The following TRUB1 variants were observed in gnomAD, a reference collection of about 807,000 sequenced individuals.
TRUB1 encodes the protein pseudouridylate synthase TRUB1.
Under a neutral mutation model 33.9 loss-of-function variants are expected in TRUB1, and 23 were observed. The ratio of observed to expected loss-of-function variants is 0.68; its 90% confidence interval spans 0.49 to 0.96. TRUB1 has a LOEUF of 0.96. Ranked by LOEUF, TRUB1 falls within the 40% of genes least tolerant of loss-of-function variation. TRUB1 has a pLI of 0.00. For missense variants in TRUB1, 378 were observed against 422.2 expected (o/e 0.90, Z 0.92); for synonymous variants, 163 against 165.4 (o/e 0.99, Z 0.11).
At position 114,972,284 on chromosome 10, in the gene TRUB1, A is replaced by G. The variant is rs757264096; in HGVS notation, c.736+10A>G. 1 of 1,588,428 alleles carries G rather than the reference A, an allele frequency of 6.3e-7. No individual in the cohort carries two copies. The highest frequency in any genetic ancestry group is 2.0e-5 in the Admixed American group (1 of 51,082). ...CCATTTTTCACATTAGGTAAGATGG[A>G]GAAATTTGAAATCATTTGTATTTAC... On this transcript the variant is annotated intron_variant, in intron 6 of 7. Transcript: ENST00000298746.
Position 114,942,643 on chromosome 10 carries a change from A to G in TRUB1, c.287-2A>G, listed in dbSNP as rs1490107783. 2 of 1,608,696 alleles carry G rather than the reference A, an allele frequency of 1.2e-6. No individual in the cohort carries two copies. Among genetic ancestry groups the G allele is most frequent in the Non-Finnish European group, 1.7e-6 (2 of 1,175,312 alleles). On this transcript the variant is annotated splice_acceptor_variant, in intron 1 of 7. Coordinates refer to ENST00000298746, the MANE Select transcript of TRUB1 (RefSeq NM_139169.5). LOFTEE classifies it high-confidence loss of function. Reference sequence around the variant, plus strand: ...CTTTTTTCATCCCCATTTCTCTCATAGAAGCTGGAATGCCTTCTCCAGAAT... The same window carrying G: ...CTTTTTTCATCCCCATTTCTCTCATGGAAGCTGGAATGCCTTCTCCAGAAT...
chr10:114,941,444 C>T (rs1469593461), intron 1 of TRUB1, among the ~76,000 whole-genome samples: 1 of 151,692 alleles, frequency 6.6e-6, no homozygotes, highest in Non-Finnish European at 1.5e-5. Context: ...CTCAAGCAGT[C>T]CTCTCACCTA....
In TRUB1 at chr10:114,938,473, G is replaced by A. The variant is rs1176573772; in HGVS notation, c.220G>A (p.Val74Met). The A allele has an allele frequency of 6.3e-7, 1 of 1,593,030 alleles. No homozygotes were observed. The highest frequency in any genetic ancestry group is 1.8e-5 in the Admixed American group (1 of 55,242). ...KLLSLSGVFA[V>M]HKPKGPTSAE... ...GCTGTCCTTGAGCGGCGTGTTCGCC[G>A]TGCACAAGCCCAAAGGGCCCACTTC... Residue 74 changes from valine to methionine, a missense_variant, in exon 1 of 8, where the codon GTG becomes ATG. By Grantham distance (21) the Val-to-Met change is conservative (BLOSUM62 1). Transcript: ENST00000298746.
rs2084362620 is a variant in TRUB1, at chr10:114,976,623, T to C, written c.*1244T>C. 6.6e-6 allele frequency: 1 copy of C among 152,186 alleles called. No homozygotes were observed. Among genetic ancestry groups the C allele is most frequent in the African/African-American group, 2.4e-5 (1 of 41,464 alleles). The allele number at this position is 152,186 out of a possible 1,614,324, so 9.4% of individuals were successfully genotyped here. A position where few individuals can be genotyped will look rare whatever the true frequency, so the allele number is the denominator to read the frequency against. On this transcript the variant is annotated 3_prime_UTR_variant, in exon 8 of 8. Coordinates refer to ENST00000298746, the MANE Select transcript of TRUB1 (RefSeq NM_139169.5). Reference sequence around the variant, plus strand: ...TATGCTTTGCCTTTCTTTTTAAAGGTGTTTTCCTGCTTTGTAGTCTCTAAC... The same window carrying C: ...TATGCTTTGCCTTTCTTTTTAAAGGCGTTTTCCTGCTTTGTAGTCTCTAAC...
chr10:114,971,089 TCA>T (rs1449327595), intron 5 of TRUB1, among the ~76,000 whole-genome samples: 2 of 152,156 alleles, frequency 1.3e-5, no homozygotes, highest in African/African-American at 4.8e-5. Context: ...GCCTGCTTTT[TCA>T]CAGATGGCAC....
chr10:114,938,937 T>C (rs958703084), intron 1 of TRUB1, among the ~76,000 whole-genome samples: 4 of 152,230 alleles, frequency 2.6e-5, no homozygotes, highest in Non-Finnish European at 5.9e-5. Context: ...AATGCAGATA[T>C]ACTTCGTTAA....
chr10:114,940,023 T>C (rs746527881), intron 1 of TRUB1, among the ~76,000 whole-genome samples: 1 of 152,186 alleles, frequency 6.6e-6, no homozygotes, highest in African/African-American at 2.4e-5. Flanking sequence ...TCGATTTCTA[T>C]ATTGCTTGTG....
chr10:114,954,575 T>TA (rs1226591094), intron 3 of TRUB1, among the ~76,000 whole-genome samples: 1 of 152,228 alleles, frequency 6.6e-6, no homozygotes, highest in Non-Finnish European at 1.5e-5. Flanking sequence ...GCCACTGCTC[T>TA]GTGTTCCTCA....
rs1187206063 is a variant in TRUB1, at chr10:114,964,577, T to C, written c.523+4770T>C. ...CCTTCTCCTTTATGGTTGGTCCTTT[T>C]GGTGTCCTGTTTAAGAAAACTTTTT... is the stretch of plus-strand genomic sequence containing the variant. On this transcript the variant is annotated intron_variant, in intron 4 of 7. Coordinates refer to ENST00000298746, the MANE Select transcript of TRUB1 (RefSeq NM_139169.5). Among the ~76,000 whole-genome samples, 3 of 152,202 alleles carry C rather than the reference T, an allele frequency of 2.0e-5. No homozygotes were observed. The South Asian group carries it at 6.2e-4, about 31-fold the overall frequency.
At chr10:114,946,502 C>T (rs1181646909) in intron 2 of TRUB1, among the ~76,000 whole-genome samples, 2 of 152,050 alleles carry the variant, frequency 1.3e-5, no homozygotes, top group African/African-American at 4.8e-5. Flanking sequence ...CCACCATGCC[C>T]TGCTAATTTT....
At position 114,938,334 on chromosome 10, in the gene TRUB1, G is replaced by T. The variant is rs1239652241; in HGVS notation, c.81G>T (p.Thr27=). 3.1e-6 allele frequency: 5 copies of T among 1,612,896 alleles called. No homozygotes were observed. Among genetic ancestry groups the T allele is most frequent in the Non-Finnish European group, 4.2e-6 (5 of 1,179,616 alleles). The part of the protein sequence containing the change: ...DTSPVLETAG[T]VAAMAATPSA... ...CCCCTGTCCTTGAAACTGCAGGAAC[G>T]GTCGCAGCAATGGCTGCGACCCCGT... The change falls in exon 1 of 8, where the codon ACG becomes ACT. Residue 27 remains threonine, a synonymous_variant. Coordinates refer to ENST00000298746, the MANE Select transcript of TRUB1 (RefSeq NM_139169.5).
At position 114,975,474 on chromosome 10, in the gene TRUB1, TC is replaced by T; in HGVS notation, c.*96del. On this transcript the variant is annotated 3_prime_UTR_variant, in exon 8 of 8. Coordinates refer to ENST00000298746, the MANE Select transcript of TRUB1 (RefSeq NM_139169.5). ...CTGCATTCAAAAGACAAACAATATG[TC>T]TTTTTTTTTTTTGCATGAAGAAAAA... 5.7e-6 allele frequency: 7 copies of T among 1,229,548 alleles called. No homozygotes were observed. Among genetic ancestry groups the T allele is most frequent in the Non-Finnish European group, 7.7e-6 (7 of 914,348 alleles). The allele number at this position is 1,229,548 out of a possible 1,614,324, so 76.2% of individuals were successfully genotyped here.
intron 4 of TRUB1, among the ~76,000 whole-genome samples, chr10:114,960,890 T>C (rs559355667): frequency 1.3e-5 from 2 of 152,246 alleles, no homozygotes; most frequent in East Asian, 3.9e-4. Flanking sequence ...AGTACTTATG[T>C]AATTAAGTCT....
intron 2 of TRUB1, among the ~76,000 whole-genome samples, chr10:114,948,938 A>G (rs1212966700): frequency 3.3e-5 from 5 of 152,202 alleles, no homozygotes; most frequent in East Asian, 3.9e-4. Flanking sequence ...TGTGTTCCCT[A>G]TACATCCTTC....
At chr10:114,944,050 C>G (rs1247964289) in intron 2 of TRUB1, among the ~76,000 whole-genome samples, 2 of 122,050 alleles carry the variant, frequency 1.6e-5, no homozygotes, top group Admixed American at 9.4e-5. Context: ...TGAAGTCCAA[C>G]TTAATGGACT....
intron 1 of TRUB1, among the ~76,000 whole-genome samples, chr10:114,941,058 GT>G (rs1318686068): frequency 6.6e-6 from 1 of 152,052 alleles, no homozygotes; most frequent in Non-Finnish European, 1.5e-5. Context: ...CTGTTGCTTT[GT>G]TTTCCCTCCT....
intron 3 of TRUB1, among the ~76,000 whole-genome samples, chr10:114,959,403 T>C (rs1323194965): frequency 2.0e-5 from 3 of 152,148 alleles, no homozygotes; most frequent in Non-Finnish European, 4.4e-5. Flanking sequence ...GACTTGAACA[T>C]TTTCCTTAAA....
chr10:114,951,091 T>C lies in TRUB1; in HGVS notation c.386-3T>C, dbSNP rs762542438. On this transcript the variant is annotated splice_region_variant and splice_polypyrimidine_tract_variant and intron_variant, in intron 2 of 7. Coordinates refer to ENST00000298746, the MANE Select transcript of TRUB1 (RefSeq NM_139169.5). ...TCATAATATTTCTTTCTTTGATTTG[T>C]AGTTGTTGGAATTGGAAGCGGAACA... The C allele has an allele frequency of 4.3e-6, 7 of 1,611,412 alleles. No homozygotes were observed. In the Admixed American group the frequency reaches 1.2e-4, roughly 27 times the overall value.
At chr10:114,971,128 G>C (rs551128937) in intron 5 of TRUB1, among the ~76,000 whole-genome samples, 20 of 152,140 alleles carry the variant, frequency 1.3e-4, no homozygotes, top group African/African-American at 4.8e-4. Context: ...CCTAGTAGAA[G>C]GGGCAAGGCA....
Sources: gnomAD v4.1 joint callset for allele counts (sites outside exome capture counted in the v4.1 genomes callset) on GRCh38, gnomAD v4.1.1 for gene constraint, MANE v1.5 for transcripts, NCBI Gene and HGNC (gene_info 2026-07-23, HGNC 2026-07-21) for gene names.